The following MBD3L1 variants were observed in gnomAD, a reference collection of about 807,000 sequenced individuals.
MBD3L1 encodes methyl-CpG binding domain protein 3 like 1, also known as methyl-CpG-binding domain protein 3-like 1.
For synonymous variants in MBD3L1, 84 were observed against 85.1 expected (o/e 0.99, Z 0.07); for missense variants, 203 against 230.1 (o/e 0.88, Z 0.76).
Position 8,832,446 on chromosome 19 carries a change from A to C in MBD3L1, c.-183A>C, listed in dbSNP as rs1599303481. On this transcript the variant is annotated 5_prime_UTR_variant, in exon 1 of 3. Transcript: ENST00000595891. ...CGGCGGGCGGGAGCGGCGGCCGCGA[A>C]CCCCAGCCTTGGGCAGAGGTGTTCT... The C allele has an allele frequency of 5.2e-5, 8 of 152,846 alleles. 1 individual carries two copies. The highest frequency in any genetic ancestry group is 1.3e-4 in the Admixed American group (2 of 15,312). 9.5% of individuals were successfully genotyped at this position (152,846 alleles called of 1,614,324 possible). A position where few individuals can be genotyped will look rare whatever the true frequency, so the allele number is the denominator to read the frequency against.
At chr19:8,841,623 C>A (rs1267696860) in intron 2 of MBD3L1, among the ~76,000 whole-genome samples, 1 of 152,144 alleles carries the variant, frequency 6.6e-6, no homozygotes, top group Non-Finnish European at 1.5e-5. Flanking sequence ...GTGGTGCGAT[C>A]TCGGCTCACT....
rs561982068 is a variant in MBD3L1 at position 8,834,642 on chromosome 19, A to C, written c.-107+2120A>C. ...CAAACCAAAACCAAAAAAAAACAAA[A>C]AAAAAACCAACCAACCAAGAAACAA... On this transcript the variant is annotated intron_variant, in intron 1 of 2. Coordinates refer to ENST00000595891, the MANE Select transcript of MBD3L1 (RefSeq NM_001393532.1). Among the ~76,000 whole-genome samples, 174 of 151,844 alleles carry C rather than the reference A, an allele frequency of 1.1e-3. 1 individual carries two copies. The highest frequency in any genetic ancestry group is 3.5e-3 in the East Asian group (18 of 5,172).
intron 1 of MBD3L1, chr19:8,833,601 C>T (rs1340200796): frequency 1.3e-5 from 2 of 152,188 alleles, no homozygotes; most frequent in African/African-American, 4.8e-5. Flanking sequence ...ACGTCCTTGC[C>T]CTCAGAGAAC....
chr19:8,838,252 C>CAAAAAAAAAAAAAAA (rs542318207), intron 1 of MBD3L1, among the ~76,000 whole-genome samples: 392 of 11,828 alleles, frequency 0.033, 157 homozygotes, highest in Non-Finnish European at 0.055. Flanking sequence ...GACTCCATCT[C>CAAAAAAAAAAAAAAA]AAAAAAAAAA....
chr19:8,839,589 A>G (rs1411811631), intron 1 of MBD3L1, among the ~76,000 whole-genome samples: 6 of 152,126 alleles, frequency 3.9e-5, no homozygotes, highest in Admixed American at 3.9e-4. Context: ...CCACTTCAAG[A>G]GTCATGTCAG....
At chr19:8,840,558 G>C (rs1003506249) in intron 1 of MBD3L1, among the ~76,000 whole-genome samples, 10 of 152,172 alleles carry the variant, frequency 6.6e-5, no homozygotes, top group Admixed American at 5.2e-4. Context: ...TCCCGCCTCA[G>C]CCTACCAAAG....
intron 1 of MBD3L1, among the ~76,000 whole-genome samples, chr19:8,839,408 G>A (rs537366899): frequency 3.6e-4 from 55 of 151,940 alleles, no homozygotes; most frequent in African/African-American, 1.2e-3. Flanking sequence ...CACTGTGTTA[G>A]CTAGGATGGT....
intron 1 of MBD3L1, among the ~76,000 whole-genome samples, chr19:8,836,703 G>T (rs1044836582): frequency 2.0e-5 from 3 of 152,136 alleles, no homozygotes; most frequent in African/African-American, 7.2e-5. Context: ...CACCACAGAG[G>T]CTAGTCTCGA....
chr19:8,836,135 C>T (rs1037486367), intron 1 of MBD3L1, among the ~76,000 whole-genome samples: 4 of 152,064 alleles, frequency 2.6e-5, no homozygotes, highest in African/African-American at 9.7e-5. Flanking sequence ...AAAAACTGTA[C>T]ACTTTAAAAG....
chr19:8,838,867 G>A (rs2044481585), intron 1 of MBD3L1, among the ~76,000 whole-genome samples: 1 of 152,156 alleles, frequency 6.6e-6, no homozygotes, highest in Non-Finnish European at 1.5e-5. Flanking sequence ...GTGCACGTGA[G>A]GTGTGCAGAT....
intron 1 of MBD3L1, among the ~76,000 whole-genome samples, chr19:8,839,185 C>CTTTTTTTTTTTTTTTTTTTTTTCT (rs57499698): frequency 8.2e-6 from 1 of 122,128 alleles, no homozygotes; most frequent in Admixed American, 9.2e-5. Flanking sequence ...CTTTTCTTTT[C>CTTTTTTTTTTTTTTTTTTTTTTCT]TTTTTTTTTT....
At chr19:8,838,269 A>AAAAAAAAAAAAAAAAAAAAAAAC in intron 1 of MBD3L1, among the ~76,000 whole-genome samples, 1 of 144,850 alleles carries the variant, frequency 6.9e-6, no homozygotes, top group Non-Finnish European at 1.5e-5. Context: ...AAAAAAAAAA[A>AAAAAAAAAAAAAAAAAAAAAAAC]AAAAAAAAAA....
chr19:8,835,512 A>G (rs2145341184), intron 1 of MBD3L1, among the ~76,000 whole-genome samples: 1 of 152,364 alleles, frequency 6.6e-6, no homozygotes, highest in East Asian at 1.9e-4. Context: ...AATTAAAATT[A>G]AAAAGATAGC....
intron 1 of MBD3L1, chr19:8,833,104 T>TAA (rs1163576457): frequency 1.3e-5 from 2 of 152,322 alleles, no homozygotes; most frequent in African/African-American, 4.8e-5. Flanking sequence ...TGGGTATGAA[T>TAA]AAAAGGGTGT....
chr19:8,841,680 C>T (rs1398919301), intron 2 of MBD3L1, among the ~76,000 whole-genome samples: 5 of 152,098 alleles, frequency 3.3e-5, no homozygotes, highest in Non-Finnish European at 7.3e-5. Context: ...CCTCAGCCTC[C>T]CGAGTAGCTG....
chr19:8,835,317 G>T (rs2044443966), intron 1 of MBD3L1, among the ~76,000 whole-genome samples: 1 of 152,126 alleles, frequency 6.6e-6, no homozygotes, highest in Non-Finnish European at 1.5e-5. Flanking sequence ...CTCCCTAAGT[G>T]CTGGGATTAC....
intron 1 of MBD3L1, among the ~76,000 whole-genome samples, chr19:8,836,367 CCTT>C (rs1239382929): frequency 6.6e-6 from 1 of 151,738 alleles, no homozygotes; most frequent in African/African-American, 2.4e-5. Context: ...CTCCTTTCTT[CCTT>C]CTTCCTTACT....
chr19:8,833,844 G>A (rs1468972074), intron 1 of MBD3L1, among the ~76,000 whole-genome samples: 1 of 151,938 alleles, frequency 6.6e-6, no homozygotes, highest in African/African-American at 2.4e-5. Context: ...AAAATTAGCC[G>A]GGCGTGGTGG....
intron 1 of MBD3L1, among the ~76,000 whole-genome samples, chr19:8,840,494 G>C (rs924396615): frequency 9.9e-5 from 15 of 152,222 alleles, no homozygotes; most frequent in Non-Finnish European, 2.2e-4. Context: ...AGTAGAGATG[G>C]GGGTCCCCCT....
Sources: gnomAD v4.1 joint callset for allele counts (sites outside exome capture counted in the v4.1 genomes callset) on GRCh38, gnomAD v4.1.1 for gene constraint, MANE v1.5 for transcripts, NCBI Gene and HGNC (gene_info 2026-07-23, HGNC 2026-07-21) for gene names.